The following WIF1 variants were observed in gnomAD, a reference collection of about 807,000 sequenced individuals.
The protein encoded by WIF1 is Wnt inhibitory factor 1.
WIF1 carries 35 observed loss-of-function variants against 53.5 expected under a neutral mutation model. The observed-to-expected ratio is 0.65, with a 90% CI of 0.50 to 0.87. The LOEUF is 0.87. Among genes scored for constraint, WIF1 ranks in the 40% least tolerant of loss-of-function variants. WIF1 has a pLI of 0.00. For missense variants in WIF1, 467 were observed against 476.8 expected, an observed-to-expected ratio of 0.98 and a Z score of 0.19; for synonymous variants, 171 against 170.4, an observed-to-expected ratio of 1.00 and a Z score of -0.03.
chr12:65,102,620 A>G (rs540943015), intron 2 of WIF1, among the ~76,000 whole-genome samples: 1 of 152,354 alleles, frequency 6.6e-6, no homozygotes. Flanking sequence ...CCAAGGCCCA[A>G]TCAAGTTGAC....
At chr12:65,082,678 C>A (rs1882967551) in intron 2 of WIF1, among the ~76,000 whole-genome samples, 2 of 152,092 alleles carry the variant, frequency 1.3e-5, no homozygotes, top group South Asian at 4.1e-4. Flanking sequence ...ATTTAAACAG[C>A]AAAATGGGAC....
intron 9 of WIF1, among the ~76,000 whole-genome samples, chr12:65,054,917 A>C (rs538049402): frequency 5.3e-5 from 8 of 152,344 alleles, no homozygotes; most frequent in African/African-American, 1.9e-4. Flanking sequence ...CTAAAGTTTA[A>C]AGAGGTGGAG....
At chr12:65,096,873 G>A (rs1883212116) in intron 2 of WIF1, among the ~76,000 whole-genome samples, 3 of 152,058 alleles carry the variant, frequency 2.0e-5, no homozygotes, top group South Asian at 4.1e-4. Flanking sequence ...TAGGAGTGGA[G>A]GGCAAGGGGA....
intron 2 of WIF1, among the ~76,000 whole-genome samples, chr12:65,097,238 T>C (rs1157307915): frequency 6.6e-6 from 1 of 151,650 alleles, no homozygotes; most frequent in Non-Finnish European, 1.5e-5. Context: ...TATTAATAGC[T>C]AGATGAACAA....
chr12:65,058,804 C>T (rs891204643), intron 7 of WIF1, among the ~76,000 whole-genome samples: 4 of 152,124 alleles, frequency 2.6e-5, no homozygotes, highest in African/African-American at 9.7e-5. Flanking sequence ...AATCCCAGCA[C>T]TTTGGAAGGC....
At chr12:65,073,630 G>A (rs73312827) in intron 3 of WIF1, among the ~76,000 whole-genome samples, 6,290 of 152,242 alleles carry the variant, frequency 0.041, 310 homozygotes, top group African/African-American at 0.12. Context: ...TAAAAGAACA[G>A]TTTAGCAGCT....
intron 2 of WIF1, among the ~76,000 whole-genome samples, chr12:65,117,272 AGAGT>A (rs758202216): frequency 3.9e-5 from 6 of 152,192 alleles, no homozygotes; most frequent in African/African-American, 9.6e-5. Flanking sequence ...TTTTGCCATC[AGAGT>A]CTAACAGCCC....
intron 3 of WIF1, among the ~76,000 whole-genome samples, chr12:65,070,400 A>T (rs1267957197): frequency 6.6e-6 from 1 of 152,188 alleles, no homozygotes; most frequent in African/African-American, 2.4e-5. Context: ...TGGCTTAATG[A>T]AATCTCATAT....
chr12:65,061,539 T>C (rs1231346935), intron 7 of WIF1, among the ~76,000 whole-genome samples: 1 of 152,192 alleles, frequency 6.6e-6, no homozygotes, highest in African/African-American at 2.4e-5. Flanking sequence ...GGGAGTTATC[T>C]CATTTCTGAG....
At chr12:65,114,483 A>G (rs1411829610) in intron 2 of WIF1, among the ~76,000 whole-genome samples, 1 of 152,204 alleles carries the variant, frequency 6.6e-6, no homozygotes, top group Non-Finnish European at 1.5e-5. Flanking sequence ...AATCATTCAC[A>G]AAGACACCAG....
intron 2 of WIF1, among the ~76,000 whole-genome samples, chr12:65,108,126 T>C (rs1262948175): frequency 6.6e-6 from 1 of 152,228 alleles, no homozygotes; most frequent in Non-Finnish European, 1.5e-5. Flanking sequence ...CATACTGCAA[T>C]TATAATACGT....
chr12:65,116,803 C>T (rs1026061642), intron 2 of WIF1, among the ~76,000 whole-genome samples: 9 of 151,628 alleles, frequency 5.9e-5, no homozygotes, highest in African/African-American at 1.9e-4. Context: ...CATGGTGGCA[C>T]GTGCCTGTAA....
At chr12:65,070,779 A>G (rs1414063876) in intron 3 of WIF1, among the ~76,000 whole-genome samples, 1 of 152,166 alleles carries the variant, frequency 6.6e-6, no homozygotes, top group East Asian at 1.9e-4. Flanking sequence ...GAATCTTGGT[A>G]TGGAAGAGAA....
chr12:65,062,424 T>A, intron 7 of WIF1, 57 bp downstream of exon 7: 1 of 1,417,810 alleles, frequency 7.1e-7, no homozygotes, highest in Non-Finnish European at 9.8e-7. Context: ...ATGAAGGGGT[T>A]ATATGGGGTT....
chr12:65,080,324 G>T (rs1882928212), intron 2 of WIF1, among the ~76,000 whole-genome samples: 1 of 152,174 alleles, frequency 6.6e-6, no homozygotes. Flanking sequence ...GGATGGCCCT[G>T]AGAATAAAGG....
chr12:65,103,260 A>G (rs992858582), intron 2 of WIF1, among the ~76,000 whole-genome samples: 2 of 152,222 alleles, frequency 1.3e-5, no homozygotes, highest in Non-Finnish European at 2.9e-5. Context: ...TCACCAATGC[A>G]TGATTTTTCC....
chr12:65,119,188 A>G (rs1883558679), intron 2 of WIF1, among the ~76,000 whole-genome samples: 2 of 152,232 alleles, frequency 1.3e-5, no homozygotes, highest in African/African-American at 2.4e-5. Context: ...TTTATGAAGT[A>G]TCTATGAAGA....
At chr12:65,088,961 T>C (rs576147840) in intron 2 of WIF1, among the ~76,000 whole-genome samples, 68 of 152,168 alleles carry the variant, frequency 4.5e-4, no homozygotes, top group Non-Finnish European at 8.4e-4. Flanking sequence ...TCTTAAATGT[T>C]GATGTTCCCA....
rs780668379 is a variant in WIF1, at chr12:65,120,515, C to T, written c.190G>A (p.Ala64Thr). 6.2e-7 allele frequency: 1 copy of T among 1,613,974 alleles called. No homozygotes were observed. Among genetic ancestry groups the T allele is most frequent in the South Asian group, 1.1e-5 (1 of 91,032 alleles). Residue 64 changes from alanine (A) to threonine (T), a missense_variant, in exon 2 of 10, where the codon GCA becomes ACA. Coordinates refer to ENST00000286574, the MANE Select transcript of WIF1 (RefSeq NM_007191.5). ...DILIVSEGKM[A>T]PFTHDFRKAQ... ...TTTCTGAAATCATGTGTAAAAGGTG[C>T]CATTTTCCCCTCTGAAACAATCAGG...
Sources: gnomAD v4.1 joint callset for allele counts (sites outside exome capture counted in the v4.1 genomes callset) on GRCh38, gnomAD v4.1.1 for gene constraint, MANE v1.5 for transcripts, NCBI Gene and HGNC (gene_info 2026-07-23, HGNC 2026-07-21) for gene names.